The following RTTN variants were observed in gnomAD, a reference collection of about 807,000 sequenced individuals.
RTTN encodes rotatin.
RTTN carries 182 observed loss-of-function variants against 269.2 expected under a neutral mutation model. The observed-to-expected ratio is 0.68, with a 90% CI of 0.60 to 0.76. RTTN has a LOEUF of 0.76. Among genes scored for constraint, RTTN ranks in the 30% least tolerant of loss-of-function variants. The pLI is 0.00. For missense variants in RTTN, 2,545 were observed against 2,608.6 expected (o/e 0.98, Z 0.53); for synonymous variants, 1,006 against 963.5 (o/e 1.04, Z -0.82).
chr18:70,010,156 C>A (rs2056325651), intron 46 of RTTN, among the ~76,000 whole-genome samples: 1 of 152,184 alleles, frequency 6.6e-6, no homozygotes, highest in Non-Finnish European at 1.5e-5. Context: ...CAACACCCCA[C>A]TGTCAATATT....
intron 23 of RTTN, chr18:70,130,650 G>A (rs182669917): frequency 1.3e-5 from 2 of 151,824 alleles, no homozygotes; most frequent in African/African-American, 2.4e-5. Flanking sequence ...GGTGGGGAAG[G>A]GGGGAATTAA....
chr18:70,193,947 A>G (rs1413246960), intron 7 of RTTN, among the ~76,000 whole-genome samples: 1 of 152,252 alleles, frequency 6.6e-6, no homozygotes, highest in African/African-American at 2.4e-5. Context: ...GACTTCATCA[A>G]AATCTAAAAC....
chr18:70,093,924 T>G (rs1020198341), intron 28 of RTTN, among the ~76,000 whole-genome samples: 2 of 152,152 alleles, frequency 1.3e-5, no homozygotes, highest in African/African-American at 4.8e-5. Flanking sequence ...TGAATCCCTC[T>G]GGTCCTTTTC....
intron 34 of RTTN, among the ~76,000 whole-genome samples, chr18:70,072,278 T>C (rs2058315917): frequency 6.6e-6 from 1 of 152,128 alleles, no homozygotes; most frequent in Admixed American, 6.6e-5. Flanking sequence ...CACTAGCCTT[T>C]AGAGAAAATA....
At chr18:70,091,227 GGAA>G (rs1296600573) in intron 30 of RTTN, among the ~76,000 whole-genome samples, 1 of 152,236 alleles carries the variant, frequency 6.6e-6, no homozygotes, top group African/African-American at 2.4e-5. Context: ...CATTTTGCAT[GGAA>G]GAAGAACATG....
chr18:70,029,014 T>C (rs910131103), intron 42 of RTTN, among the ~76,000 whole-genome samples: 1 of 152,142 alleles, frequency 6.6e-6, no homozygotes, highest in Non-Finnish European at 1.5e-5. Context: ...GCTATTTCTG[T>C]TCTATCAAGC....
intron 23 of RTTN, among the ~76,000 whole-genome samples, chr18:70,132,408 A>G (rs894654658): frequency 6.6e-6 from 1 of 152,114 alleles, no homozygotes; most frequent in African/African-American, 2.4e-5. Context: ...GCCATAAAGT[A>G]AAATTCAACA....
chr18:70,054,402 A>C, intron 37 of RTTN, 118 bp from the exon 38 acceptor site: 1 of 999,216 alleles, frequency 1.0e-6, no homozygotes, highest in Non-Finnish European at 1.4e-6. Context: ...TAATTTTTCA[A>C]GATCTGAAAT....
chr18:70,006,685 T>C (rs1013810595), intron 46 of RTTN: 3 of 536,696 alleles, frequency 5.6e-6, no homozygotes, highest in South Asian at 2.4e-5. Flanking sequence ...ATGTCAGGCA[T>C]AGAAGGGTCA....
intron 9 of RTTN, among the ~76,000 whole-genome samples, chr18:70,188,990 T>C (rs572516339): frequency 3.8e-4 from 58 of 152,354 alleles, no homozygotes; most frequent in African/African-American, 1.2e-3. Context: ...TCTTACGATA[T>C]TGAACAGTTA....
chr18:70,086,715 A>AGGT, intron 31 of RTTN, 31 bp from the exon 32 acceptor site: 2 of 1,415,960 alleles, frequency 1.4e-6, no homozygotes, highest in Non-Finnish European at 9.7e-7. Flanking sequence ...AAAAAAAAAA[A>AGGT]AAAAAAAAAA....
intron 28 of RTTN, among the ~76,000 whole-genome samples, chr18:70,098,321 C>A (rs1470468098): frequency 1.3e-5 from 2 of 152,020 alleles, no homozygotes; most frequent in Non-Finnish European, 2.9e-5. Flanking sequence ...AACAAATCAA[C>A]CCCAAACTAG....
intron 14 of RTTN, among the ~76,000 whole-genome samples, chr18:70,152,433 T>C (rs77360364): frequency 0.024 from 3,677 of 152,304 alleles, 83 homozygotes; most frequent in Middle Eastern, 0.041. Flanking sequence ...AATGAGATAA[T>C]ATACTTATAA....
rs2060371012 is a variant in RTTN at position 70,145,691 on chromosome 18, A to G, written c.2402T>C (p.Leu801Pro). The change falls in exon 18 of 49, where the codon CTC (leucine) becomes CCC (proline). Residue 801 changes from leucine (L) to proline (P), a missense_variant. By Grantham distance (98) the Leu-to-Pro change is moderately conservative. Transcript: ENST00000640769. ...TKRPLIDARV[L>P]SRVTDLFIGK... ...AATGAATAAATCAGTAACTCTGGAG[A>G]GAACTCTGGCGTCTATTAGAGGACG... 6.2e-7 allele frequency: 1 copy of G among 1,613,364 alleles called. No homozygotes were observed. Among genetic ancestry groups the G allele is most frequent in the Non-Finnish European group, 8.5e-7 (1 of 1,179,454 alleles).
intron 32 of RTTN, among the ~76,000 whole-genome samples, chr18:70,079,891 T>C (rs2058518619): frequency 6.6e-6 from 1 of 152,082 alleles, no homozygotes; most frequent in Non-Finnish European, 1.5e-5. Flanking sequence ...ATTGAAAAGG[T>C]ACTAGAAGCA....
At chr18:70,082,630 T>A (rs2058599716) in intron 32 of RTTN, among the ~76,000 whole-genome samples, 1 of 152,182 alleles carries the variant, frequency 6.6e-6, no homozygotes, top group Non-Finnish European at 1.5e-5. Context: ...GGAGCCACAA[T>A]ACAGTTTCGT....
At chr18:70,035,100 G>A (rs1049831193) in intron 40 of RTTN, among the ~76,000 whole-genome samples, 1 of 152,170 alleles carries the variant, frequency 6.6e-6, no homozygotes, top group Non-Finnish European at 1.5e-5. Flanking sequence ...CCATGAACAT[G>A]GCTAGGAAGA....
chr18:70,171,166 A>T (rs1263921227), intron 11 of RTTN, among the ~76,000 whole-genome samples: 6 of 152,212 alleles, frequency 3.9e-5, no homozygotes, highest in Non-Finnish European at 8.8e-5. Context: ...CAACAAATAG[A>T]TGGCATTTAA....
chr18:70,169,044 A>T lies in RTTN; in HGVS notation c.1500T>A (p.Pro500=). The part of the protein sequence containing the change: ...VEKASEFLSE[P]MSTALFLLSL... ...AAAGGAGAAATAATGCTGTTGACATAGGCTCTGATAAAAACTCGCTTGCCT... is the reference window on the plus strand; with the variant it reads ...AAAGGAGAAATAATGCTGTTGACATTGGCTCTGATAAAAACTCGCTTGCCT... Residue 500 remains proline (P), a synonymous_variant, in exon 12 of 49, where the codon CCT becomes CCA. Transcript: ENST00000640769. 2 of 1,599,538 alleles carry T rather than the reference A, an allele frequency of 1.3e-6. No individual in the cohort carries two copies. Among genetic ancestry groups the T allele is most frequent in the Non-Finnish European group, 1.7e-6 (2 of 1,176,218 alleles).
Sources: allele counts gnomAD v4.1 joint callset (sites outside exome capture counted in the v4.1 genomes callset), GRCh38; gene constraint gnomAD v4.1.1; transcripts MANE v1.5; gene names NCBI Gene and HGNC (gene_info 2026-07-23, HGNC 2026-07-21).